Variants in CYRIB observed in about 807,000 individuals in gnomAD.
CYRIB encodes the protein CYFIP related Rac1 interactor B.
CYRIB carries 8 observed loss-of-function variants against 44.2 expected under a neutral mutation model. That is an observed-to-expected ratio of 0.18 (90% confidence interval 0.11 to 0.33). The LOEUF is 0.33. Ranked by LOEUF, CYRIB falls within the 10% of genes least tolerant of loss-of-function variation. CYRIB has a pLI of 1.00. For missense variants in CYRIB, 185 were observed against 382.8 expected, an observed-to-expected ratio of 0.48 and a Z score of 4.31; for synonymous variants, 131 against 127.2, an observed-to-expected ratio of 1.03 and a Z score of -0.20.
chr8:129,919,341 T>C (rs1191514308), intron 1 of CYRIB, among the ~76,000 whole-genome samples: 4 of 152,234 alleles, frequency 2.6e-5, no homozygotes, highest in African/African-American at 7.2e-5. Context: ...TGTCACATAG[T>C]GTTAAAAACG....
chr8:129,853,143 T>A (rs891075962), intron 7 of CYRIB, among the ~76,000 whole-genome samples: 4 of 152,154 alleles, frequency 2.6e-5, no homozygotes, highest in Middle Eastern at 6.8e-3. Flanking sequence ...TTGAAAAAAA[T>A]TGGATTTTAC....
At chr8:129,878,456 C>G (rs1328584743) in intron 3 of CYRIB, among the ~76,000 whole-genome samples, 2 of 152,196 alleles carry the variant, frequency 1.3e-5, no homozygotes, top group East Asian at 3.9e-4. Context: ...TTTTTAAAAT[C>G]AGAAAACATC....
At chr8:129,857,854 G>GA (rs1434275218) in intron 5 of CYRIB, among the ~76,000 whole-genome samples, 1 of 152,042 alleles carries the variant, frequency 6.6e-6, no homozygotes, top group African/African-American at 2.4e-5. Context: ...GTCTGTTAAA[G>GA]AAAAAAAGAA....
rs1226992292 is a variant in CYRIB at position 129,871,878 on chromosome 8, C to CA, written c.74-383dup. 3.3e-5 allele frequency among the ~76,000 whole-genome samples: 5 copies of CA among 152,024 alleles called. No individual in the cohort carries two copies. The East Asian group carries it at 9.6e-4, about 29-fold the overall frequency. On this transcript the variant is annotated intron_variant, in intron 3 of 11. Coordinates refer to ENST00000519824, the Ensembl canonical transcript of CYRIB. Reference sequence around the variant, plus strand: ...GCATCAGAAATCACAGATTTTAATGCAAAAGAAAGCCTACTAAAACATGTT... The same window carrying CA: ...GCATCAGAAATCACAGATTTTAATGCAAAAAGAAAGCCTACTAAAACATGTT...
rs374570395 is a variant in CYRIB, at chr8:130,006,605, T to TATATATATATATATAC, written c.-296+9764_-296+9765insGTATATATATATATAT. 2.1e-3 allele frequency among the ~76,000 whole-genome samples: 48 copies of TATATATATATATATAC among 23,336 alleles called. 9 individuals carry two copies. Among genetic ancestry groups the TATATATATATATATAC allele is most frequent in the Non-Finnish European group, 2.7e-3 (41 of 15,058 alleles). The allele number at this position is 23,336 out of a possible 152,430, so 15.3% of individuals were successfully genotyped here. A position where few individuals can be genotyped will look rare whatever the true frequency, so the allele number is the denominator to read the frequency against. On this transcript the variant is annotated intron_variant, in intron 1 of 14. Coordinates refer to the CYRIB transcript ENST00000401979. Reference sequence around the variant, plus strand: ...ACTAAAAACACAAATTATATATATATACATATATATGTGTATATATATACA... The same window carrying TATATATATATATATAC: ...ACTAAAAACACAAATTATATATATATATATATATATATATACACATATATATGTGTATATATATACA...
chr8:130,006,385 G>A (rs1379371289), intron 1 of CYRIB, among the ~76,000 whole-genome samples: 1 of 150,530 alleles, frequency 6.6e-6, no homozygotes, highest in East Asian at 2.0e-4. Context: ...GGGGGCTGAA[G>A]TGGGAGGATC....
intron 1 of CYRIB, among the ~76,000 whole-genome samples, chr8:129,982,459 AATTCG>A (rs1177390112): frequency 1.3e-5 from 2 of 152,204 alleles, no homozygotes; most frequent in Non-Finnish European, 2.9e-5. Flanking sequence ...TCTGTTGGAC[AATTCG>A]ATTCTGGTTT....
chr8:129,961,236 T>C (rs2095245181), intron 2 of CYRIB, among the ~76,000 whole-genome samples: 1 of 152,168 alleles, frequency 6.6e-6, no homozygotes, highest in Non-Finnish European at 1.5e-5. Context: ...AAGAAATATT[T>C]ATTTCCCCCC....
chr8:129,918,080 C>T (rs1384309388), intron 1 of CYRIB, among the ~76,000 whole-genome samples: 1 of 152,174 alleles, frequency 6.6e-6, no homozygotes, highest in Non-Finnish European at 1.5e-5. Flanking sequence ...TCAATAATGG[C>T]TGCCCACCAC....
At position 129,855,600 on chromosome 8, in the gene CYRIB, G is replaced by C. The variant is rs1437081657; in HGVS notation, c.438+11C>G. The C allele has an allele frequency of 2.5e-6, 4 of 1,613,840 alleles. No homozygotes were observed. The South Asian group carries it at 4.4e-5, about 18-fold the overall frequency. On this transcript the variant is annotated intron_variant, in intron 6 of 11. Transcript: ENST00000519824. ...ATTTTCGTAACAATCAGGGCCAATA[G>C]ATAATTCTACCTTGAGTTCATCAAA...
rs544429620 is a variant in CYRIB at position 129,864,446 on chromosome 8, T to G, written c.196-2112A>C. 1.8e-4 allele frequency: 29 copies of G among 158,098 alleles called. 1 individual carries two copies. In the South Asian group the frequency reaches 5.5e-3, roughly 30 times the overall value. The allele number at this position is 158,098 out of a possible 1,614,324, so 9.8% of individuals were successfully genotyped here. ...TTCAGCAGACAAGTAAATAAGCCTT[T>G]CTGTCTGGTGGCAGCCATCAAATAA... On this transcript the variant is annotated intron_variant, in intron 4 of 11. Coordinates refer to ENST00000519824, the Ensembl canonical transcript of CYRIB.
upstream of CYRIB, among the ~76,000 whole-genome samples, chr8:129,944,504 CG>C (rs1207709367): frequency 2.6e-5 from 4 of 152,016 alleles, no homozygotes; most frequent in East Asian, 7.7e-4. Context: ...CTTGCTTTGC[CG>C]GGCGCGGTGG....
chr8:129,897,311 C>T (rs2068577405), intron 2 of CYRIB, among the ~76,000 whole-genome samples: 1 of 152,120 alleles, frequency 6.6e-6, no homozygotes, highest in African/African-American at 2.4e-5. Context: ...AAACTTAAGA[C>T]AATGACTGAA....
At chr8:129,901,211 A>G (rs937279396) in intron 2 of CYRIB, among the ~76,000 whole-genome samples, 9 of 152,020 alleles carry the variant, frequency 5.9e-5, no homozygotes, top group African/African-American at 1.7e-4. Flanking sequence ...CTTCTAGCCT[A>G]CATCATTAGG....
At chr8:129,919,004 C>T (rs2082163204) in intron 1 of CYRIB, among the ~76,000 whole-genome samples, 2 of 152,056 alleles carry the variant, frequency 1.3e-5, no homozygotes, top group African/African-American at 2.4e-5. Context: ...TGTCCACCAC[C>T]GTTTTACAGA....
chr8:129,854,266 C>G (rs376102563), exon 7 of CYRIB: 1 of 1,600,506 alleles, frequency 6.2e-7, no homozygotes. Context: ...ATTAACTTAC[C>G]GGTACATTGT....
At chr8:129,960,488 A>C (rs999484726) in intron 2 of CYRIB, among the ~76,000 whole-genome samples, 7 of 151,270 alleles carry the variant, frequency 4.6e-5, no homozygotes, top group Non-Finnish European at 1.0e-4. Context: ...CCAGTTACTC[A>C]GGAGGCTGAG....
At chr8:130,015,812 C>A (rs184351798) in intron 1 of CYRIB, among the ~76,000 whole-genome samples, 1 of 152,358 alleles carries the variant, frequency 6.6e-6, no homozygotes, top group African/African-American at 2.4e-5. Flanking sequence ...AGAGGAAGTG[C>A]TCTTTAAACA....
At chr8:129,944,588 G>A (rs2094006409), upstream of CYRIB, among the ~76,000 whole-genome samples, 1 of 151,996 alleles carries the variant, frequency 6.6e-6, no homozygotes, top group Non-Finnish European at 1.5e-5. Flanking sequence ...TTCGAGACCA[G>A]CCTGGCCAAC....
Sources: allele counts gnomAD v4.1 joint callset (sites outside exome capture counted in the v4.1 genomes callset), GRCh38; gene constraint gnomAD v4.1.1; transcripts MANE v1.5; gene names NCBI Gene and HGNC (gene_info 2026-07-23, HGNC 2026-07-21).